STK3: variants seen among roughly 807,000 people sequenced by gnomAD.
The protein encoded by STK3 is serine/threonine-protein kinase 3.
In STK3, 41 loss-of-function variants were observed where a neutral mutation model predicts 58.0. The observed-to-expected ratio is 0.71, with a 90% confidence interval of 0.55 to 0.92. The LOEUF is 0.92. Among genes scored for constraint, STK3 ranks in the 40% least tolerant of loss-of-function variants. STK3 has a pLI of 0.00. For synonymous variants in STK3, 170 were observed against 191.0 expected, an observed-to-expected ratio of 0.89 and a Z score of 0.91; for missense variants, 479 against 602.7, an observed-to-expected ratio of 0.79 and a Z score of 2.15.
intron 1 of STK3, among the ~76,000 whole-genome samples, chr8:98,899,442 C>T (rs935064709): frequency 1.3e-5 from 2 of 152,092 alleles, no homozygotes; most frequent in African/African-American, 4.8e-5. Flanking sequence ...TATGCACAGA[C>T]TTTTTTTCTT....
intron 6 of STK3, among the ~76,000 whole-genome samples, chr8:98,637,878 GACAA>G (rs1285070462): frequency 2.0e-5 from 3 of 152,098 alleles, no homozygotes; most frequent in Non-Finnish European, 2.9e-5. Flanking sequence ...TTAGGTATAT[GACAA>G]ACTAAGTAAT....
chr8:98,477,702 CGGGGGGG>C lies in STK3; in HGVS notation c.1318-21709_1318-21703del, dbSNP rs1286720911. 7.9e-3 allele frequency among the ~76,000 whole-genome samples: 18 copies of C among 2,280 alleles called. 2 individuals carry two copies. The highest frequency in any genetic ancestry group is 0.027 in the African/African-American group (13 of 476). 1.5% of individuals were successfully genotyped at this position (2,280 alleles called of 152,430 possible). ...AGCCTCGCATAATCATCACACTTGG[CGGGGGGG>C]GGGGGGGTGGGCGGGGGGGGGCCCT... is the stretch of plus-strand genomic sequence containing the variant. On this transcript the variant is annotated intron_variant, in intron 10 of 10. Coordinates refer to ENST00000419617, the MANE Select transcript of STK3 (RefSeq NM_006281.4).
chr8:98,540,716 C>T (rs1321832322), intron 9 of STK3, among the ~76,000 whole-genome samples: 2 of 151,796 alleles, frequency 1.3e-5, no homozygotes, highest in Admixed American at 1.3e-4. Context: ...ATCATAGAGG[C>T]TAGAGAGCTG....
intron 7 of STK3, among the ~76,000 whole-genome samples, chr8:98,583,845 A>ATGTGTGTGTGTG (rs529496460): frequency 2.9e-4 from 42 of 144,750 alleles, no homozygotes; most frequent in African/African-American, 1.0e-3. Context: ...GAGAGAGTGT[A>ATGTGTGTGTGTG]TGTGTGTGTG....
chr8:98,616,937 T>C (rs920341574), intron 6 of STK3, among the ~76,000 whole-genome samples: 1 of 152,106 alleles, frequency 6.6e-6, no homozygotes, highest in African/African-American at 2.4e-5. Context: ...CCCAGGAATT[T>C]AACTCATCTC....
intron 2 of STK3, among the ~76,000 whole-genome samples, chr8:98,435,312 G>C (rs908204276): frequency 6.6e-6 from 1 of 152,252 alleles, no homozygotes; most frequent in Non-Finnish European, 1.5e-5. Context: ...CATAGGCAGA[G>C]AGAAGGAGGC....
chr8:98,357,940 T>C, the STK3 span, among the ~76,000 whole-genome samples: 955 of 152,212 alleles, frequency 6.3e-3, 6 homozygotes, highest in African/African-American at 0.022. Flanking sequence ...CTTCAGCTAC[T>C]GTGGCCTTTC....
At chr8:98,681,816 T>G (rs1823661816) in intron 6 of STK3, among the ~76,000 whole-genome samples, 1 of 152,238 alleles carries the variant, frequency 6.6e-6, no homozygotes, top group Non-Finnish European at 1.5e-5. Flanking sequence ...GAAGCTATGC[T>G]TGTTTGTATG....
intron 10 of STK3, among the ~76,000 whole-genome samples, chr8:98,469,694 TCA>T (rs1429756384): frequency 2.0e-5 from 3 of 152,218 alleles, no homozygotes; most frequent in Non-Finnish European, 4.4e-5. Context: ...TAGTAAATCT[TCA>T]CATTTTTATT....
intron 1 of STK3, among the ~76,000 whole-genome samples, chr8:98,447,062 G>A (rs777494811): frequency 4.6e-5 from 7 of 152,140 alleles, no homozygotes; most frequent in East Asian, 3.9e-4. Context: ...ACATAGAGGC[G>A]AACAACACAC....
At chr8:98,701,012 T>G (rs771473802) in intron 6 of STK3, among the ~76,000 whole-genome samples, 1 of 151,968 alleles carries the variant, frequency 6.6e-6, no homozygotes, top group Non-Finnish European at 1.5e-5. Context: ...AGGAAAAAAA[T>G]ACAAAAATTT....
At chr8:98,359,446 C>T in the STK3 span, among the ~76,000 whole-genome samples, 5 of 147,630 alleles carry the variant, frequency 3.4e-5, no homozygotes, top group South Asian at 2.2e-4. Flanking sequence ...TCACTTGAAC[C>T]GGGGAGGCGG....
intron 10 of STK3, among the ~76,000 whole-genome samples, chr8:98,507,211 C>T (rs866294460): frequency 4.9e-4 from 74 of 152,144 alleles, no homozygotes; most frequent in African/African-American, 1.7e-3. Flanking sequence ...TAGAACTCTC[C>T]CTTGAACTCC....
intron 2 of STK3, among the ~76,000 whole-genome samples, chr8:98,774,183 CTTTA>C (rs1482414856): frequency 6.6e-6 from 1 of 152,008 alleles, no homozygotes; most frequent in African/African-American, 2.4e-5. Flanking sequence ...TGTTTTGTAC[CTTTA>C]TTATTTTGGA....
intron 6 of STK3, chr8:98,597,401 T>C (rs1185190828): frequency 9.1e-6 from 9 of 984,808 alleles, no homozygotes; most frequent in Non-Finnish European, 1.1e-5. Context: ...ATATTTTATA[T>C]ACCTCACGTC....
chr8:98,652,648 A>C (rs1263914213), intron 6 of STK3, among the ~76,000 whole-genome samples: 1 of 147,866 alleles, frequency 6.8e-6, no homozygotes. Flanking sequence ...TCTACCAAGC[A>C]AATGGAAAAC....
intron 3 of STK3, among the ~76,000 whole-genome samples, chr8:98,870,419 C>T (rs1729116251): frequency 1.3e-5 from 2 of 152,246 alleles, no homozygotes; most frequent in South Asian, 4.1e-4. Context: ...AATCGCCACA[C>T]TGTCTTCCAC....
intron 3 of STK3, among the ~76,000 whole-genome samples, chr8:98,843,196 T>A (rs1473186142): frequency 6.6e-6 from 1 of 152,058 alleles, no homozygotes; most frequent in African/African-American, 2.4e-5. Context: ...AACAGGTGAC[T>A]TTTTGGAATA....
At chr8:98,356,050 G>A in the STK3 span, among the ~76,000 whole-genome samples, 1 of 152,196 alleles carries the variant, frequency 6.6e-6, no homozygotes, top group Non-Finnish European at 1.5e-5. Flanking sequence ...ATGTCACTGA[G>A]ATTTGTGAGT....
Sources: allele counts gnomAD v4.1 joint callset (sites outside exome capture counted in the v4.1 genomes callset), GRCh38; gene constraint gnomAD v4.1.1; transcripts MANE v1.5; gene names NCBI Gene and HGNC (gene_info 2026-07-23, HGNC 2026-07-21).